Variants in EPB41L3 observed in about 807,000 individuals in gnomAD.
EPB41L3 encodes the protein band 4.1-like protein 3.
A neutral mutation model predicts 127.1 loss-of-function variants in EPB41L3; 57 were observed. The observed-to-expected ratio is 0.45, with a 90% confidence interval of 0.36 to 0.56. The LOEUF (loss-of-function observed/expected upper bound fraction) is 0.56. EPB41L3 is among the 20% of genes least tolerant of loss of function. EPB41L3 has a pLI of 0.00. For synonymous variants in EPB41L3, 572 were observed against 549.5 expected (o/e 1.04, Z -0.57); for missense variants, 1,273 against 1,372.2 (o/e 0.93, Z 1.14).
chr18:5,544,143 C>G, upstream of EPB41L3: 1 of 985,504 alleles, frequency 1.0e-6, no homozygotes, highest in Non-Finnish European at 1.2e-6. Context: ...TCCTGCCTGC[C>G]CTCCCAGCCG....
chr18:5,441,792 CT>C (rs1414122002), intron 5 of EPB41L3, among the ~76,000 whole-genome samples: 1 of 152,186 alleles, frequency 6.6e-6, no homozygotes, highest in Non-Finnish European at 1.5e-5. Context: ...GAAATTCCAA[CT>C]TTCCTTATCT....
At chr18:5,494,163 C>A (rs75659977) in intron 1 of EPB41L3, among the ~76,000 whole-genome samples, 2,037 of 152,100 alleles carry the variant, frequency 0.013, 30 homozygotes, top group African/African-American at 0.033. Flanking sequence ...AACATTTTTC[C>A]ATCCAAACCT....
chr18:5,398,273 A>T (rs1385238762), intron 16 of EPB41L3, 130 bp from the exon 17 acceptor site: 1 of 1,071,448 alleles, frequency 9.3e-7, no homozygotes, highest in African/African-American at 1.6e-5. Flanking sequence ...AAGGAATCTC[A>T]GAGTTTGGAA....
At chr18:5,464,115 A>G (rs2084529173) in intron 3 of EPB41L3, among the ~76,000 whole-genome samples, 1 of 152,150 alleles carries the variant, frequency 6.6e-6, no homozygotes, top group South Asian at 2.1e-4. Flanking sequence ...ATCTGCCCCA[A>G]CAATGAAAGT....
chr18:5,592,836 C>T (rs576941779), intron 3 of EPB41L3, among the ~76,000 whole-genome samples: 1 of 152,320 alleles, frequency 6.6e-6, no homozygotes, highest in Non-Finnish European at 1.5e-5. Flanking sequence ...GATCTCTAGA[C>T]AAGTGCTGTG....
chr18:5,548,617 T>A (rs1451396033), upstream of EPB41L3, among the ~76,000 whole-genome samples: 6 of 152,208 alleles, frequency 3.9e-5, no homozygotes, highest in Non-Finnish European at 7.3e-5. Context: ...CCTTATTGAT[T>A]TTTTTACTTT....
At position 5,394,725 on chromosome 18, in the gene EPB41L3, G is replaced by C. The variant is rs371494173; in HGVS notation, c.3222C>G (p.Val1074=). Residue 1074 remains valine (V), a synonymous_variant, in exon 22 of 23, where the codon GTC becomes GTG. Transcript: ENST00000341928. ...CTGGTGTGATCTCTGTCTCTTTATG[G>C]ACCACTACTTTGGTCACTGACATGT... ...HPDMSVTKVV[V]HKETEITPED... 3 of 1,613,974 alleles carry C rather than the reference G, an allele frequency of 1.9e-6. No individual in the cohort carries two copies. The highest frequency in any genetic ancestry group is 1.7e-5 in the Admixed American group (1 of 60,006).
At chr18:5,430,333 T>G (rs2078819806) in intron 8 of EPB41L3, among the ~76,000 whole-genome samples, 1 of 152,178 alleles carries the variant, frequency 6.6e-6, no homozygotes, top group Non-Finnish European at 1.5e-5. Context: ...GGAGCTCTGT[T>G]TATCTTTGTA....
chr18:5,619,126 A>T (rs919840192), intron 1 of EPB41L3, among the ~76,000 whole-genome samples: 1 of 152,124 alleles, frequency 6.6e-6, no homozygotes, highest in Non-Finnish European at 1.5e-5. Context: ...GGACAACTCC[A>T]CAAGAATGGG....
chr18:5,451,703 G>A (rs944570386), intron 3 of EPB41L3, among the ~76,000 whole-genome samples: 1 of 152,198 alleles, frequency 6.6e-6, no homozygotes, highest in African/African-American at 2.4e-5. Context: ...CTAGCAAGCC[G>A]TAAGCAATGA....
At chr18:5,587,610 A>C (rs2094452117) in intron 3 of EPB41L3, among the ~76,000 whole-genome samples, 1 of 152,170 alleles carries the variant, frequency 6.6e-6, no homozygotes, top group Non-Finnish European at 1.5e-5. Flanking sequence ...GGGAAGGCAC[A>C]CTGGTAGCAT....
intron 1 of EPB41L3, among the ~76,000 whole-genome samples, chr18:5,513,847 TGTCTCTTATA>T (rs993058734): frequency 2.6e-5 from 4 of 152,222 alleles, no homozygotes; most frequent in African/African-American, 9.6e-5. Flanking sequence ...TACAGAATAT[TGTCTCTTATA>T]GTCATTATGG....
chr18:5,543,961 C>T lies in EPB41L3; in HGVS notation c.-60G>A, dbSNP rs892330075. The T allele has an allele frequency of 6.1e-6, 6 of 985,660 alleles. No individual in the cohort carries two copies. The highest frequency in any genetic ancestry group is 7.2e-6 in the Non-Finnish European group (6 of 830,082). 61.1% of individuals were successfully genotyped at this position (985,660 alleles called of 1,614,324 possible). On this transcript the variant is annotated 5_prime_UTR_variant, in exon 1 of 23. Transcript: ENST00000341928. The surrounding 1 kb of genome is among the most constrained non-coding windows in gnomAD (Gnocchi z 5.2). Reference sequence around the variant, plus strand: ...CGCGCCGCGGCGTGGGGACTAGGCTCGGGCGCGCGTCCTCGGCGGCGGTGC... The same window carrying T: ...CGCGCCGCGGCGTGGGGACTAGGCTTGGGCGCGCGTCCTCGGCGGCGGTGC...
rs542321494 is a variant in EPB41L3, at chr18:5,537,712, C to G, written c.-12+6201G>C. Among the ~76,000 whole-genome samples, 15 of 152,272 alleles carry G rather than the reference C, an allele frequency of 9.9e-5. No homozygotes were observed. The South Asian group carries it at 3.1e-3, about 32-fold the overall frequency. On this transcript the variant is annotated intron_variant, in intron 1 of 22. Coordinates refer to ENST00000341928, the MANE Select transcript of EPB41L3 (RefSeq NM_012307.5). ...ATACAGGCTATATTCCAGCTAAAGG[C>G]AGGTCTCTTGACTTCTGGAATGTCC...
chr18:5,401,179 T>A, intron 16 of EPB41L3: 1 of 448,262 alleles, frequency 2.2e-6, no homozygotes, highest in Non-Finnish European at 3.9e-6. Flanking sequence ...ATTCATTCAT[T>A]TTCTTCCTGA....
At position 5,526,562 on chromosome 18, in the gene EPB41L3, C is replaced by G. The variant is rs533793081; in HGVS notation, c.-12+17351G>C. 1.9e-4 allele frequency among the ~76,000 whole-genome samples: 29 copies of G among 152,276 alleles called. 1 individual carries two copies. The highest frequency in any genetic ancestry group is 3.4e-3 in the Middle Eastern group (1 of 294). On this transcript the variant is annotated intron_variant, in intron 1 of 22. Coordinates refer to ENST00000341928, the MANE Select transcript of EPB41L3 (RefSeq NM_012307.5). The stretch of plus-strand genomic sequence containing the variant: ...ACCAATACCTACTGAGTACCTGGAG[C>G]TAAAGAAAAATCTCTGCCCTCCTAA...
intron 1 of EPB41L3, among the ~76,000 whole-genome samples, chr18:5,537,779 C>T (rs2093614313): frequency 1.3e-5 from 2 of 152,120 alleles, no homozygotes; most frequent in South Asian, 4.1e-4. Flanking sequence ...GAGTCTCTAT[C>T]AAAATCCAGT....
chr18:5,514,080 T>C (rs2092655720), intron 1 of EPB41L3, among the ~76,000 whole-genome samples: 1 of 152,240 alleles, frequency 6.6e-6, no homozygotes, highest in Non-Finnish European at 1.5e-5. Flanking sequence ...TTCCCCAGTA[T>C]GTCTTGTGTA....
At chr18:5,587,322 A>G (rs2094450013) in intron 3 of EPB41L3, among the ~76,000 whole-genome samples, 1 of 152,098 alleles carries the variant, frequency 6.6e-6, no homozygotes, top group South Asian at 2.1e-4. Flanking sequence ...CAGTTGACCC[A>G]TGGTCAACTG....
Sources: gnomAD v4.1 joint callset for allele counts (sites outside exome capture counted in the v4.1 genomes callset) on GRCh38, gnomAD v4.1.1 for gene constraint, Gnocchi (gnomAD v3.1) non-coding constraint, MANE v1.5 for transcripts, NCBI Gene and HGNC (gene_info 2026-07-23, HGNC 2026-07-21) for gene names.